Variants in ZNF766 observed in about 807,000 individuals in gnomAD.
ZNF766 encodes zinc finger protein 766.
A neutral mutation model predicts 13.2 loss-of-function variants in ZNF766; 13 were observed. The ratio of observed to expected loss-of-function variants is 0.98; its 90% CI spans 0.64 to 1.56. The LOEUF (loss-of-function observed/expected upper bound fraction) is 1.56, where lower values mean the gene tolerates loss of function less well. ZNF766 is among the 40% of genes most tolerant of loss of function. The pLI, the probability that ZNF766 is intolerant of heterozygous loss-of-function variation, is 0.00. For synonymous variants in ZNF766, 178 were observed against 187.6 expected, an observed-to-expected ratio of 0.95 and a Z score of 0.42; for missense variants, 521 against 552.2, an observed-to-expected ratio of 0.94 and a Z score of 0.57.
intron 1 of ZNF766, 102 bp downstream of exon 1, chr19:52,269,733 G>C (rs558529341): frequency 3.7e-5 from 53 of 1,419,738 alleles, no homozygotes; most frequent in Non-Finnish European, 5.1e-5. Flanking sequence ...TCCCCGCACC[G>C]CTCTCTCCAC....
At chr19:52,275,756 C>G (rs1363966173) in intron 1 of ZNF766, 1 of 144,814 alleles carries the variant, frequency 6.9e-6, no homozygotes, top group East Asian at 2.0e-4. Context: ...TCCTGGCTCA[C>G]TGCAACCTCC....
rs1017494450 is a variant in ZNF766 at position 52,292,120 on chromosome 19, T to C, written c.*922T>C. The C allele has an allele frequency of 1.4e-6, 1 of 701,928 alleles. No individual in the cohort carries two copies. 43.5% of individuals were successfully genotyped at this position (701,928 alleles called of 1,614,324 possible). A position where few individuals can be genotyped will look rare whatever the true frequency, so the allele number is the denominator to read the frequency against. On this transcript the variant is annotated 3_prime_UTR_variant, in exon 4 of 4. Transcript: ENST00000439461. ...GTTTTTATGACTTCAACCTGAACTT[T>C]GAAATTTCTTCATGTGCCTTCCCTA...
chr19:52,288,510 A>G (rs1297935240), intron 3 of ZNF766, among the ~76,000 whole-genome samples: 3 of 152,066 alleles, frequency 2.0e-5, no homozygotes, highest in Admixed American at 2.0e-4. Context: ...TGGGACTACA[A>G]GCACACGACA....
At chr19:52,271,815 C>T (rs945935455) in intron 1 of ZNF766, among the ~76,000 whole-genome samples, 1 of 151,930 alleles carries the variant, frequency 6.6e-6, no homozygotes, top group African/African-American at 2.4e-5. Flanking sequence ...CAAAAATTAG[C>T]TGGGTGTGGT....
chr19:52,284,612 C>T (rs541332559), intron 3 of ZNF766, among the ~76,000 whole-genome samples: 7 of 152,092 alleles, frequency 4.6e-5, no homozygotes, highest in South Asian at 2.1e-4. Context: ...GAGTTAGAGT[C>T]GCGTCCCACA....
intron 1 of ZNF766, among the ~76,000 whole-genome samples, chr19:52,272,090 C>A (rs934008505): frequency 6.6e-6 from 1 of 151,662 alleles, no homozygotes; most frequent in South Asian, 2.1e-4. Flanking sequence ...GTAGTGAGTA[C>A]CCCTCTTCAA....
At position 52,275,001 on chromosome 19, in the gene ZNF766, T is replaced by C. The variant is rs181561018; in HGVS notation, c.18+5370T>C. On this transcript the variant is annotated intron_variant, in intron 1 of 3. Transcript: ENST00000439461. Reference sequence around the variant, plus strand: ...CATTAATAGAAAGGAGCGTCCATGATGCATTATCCGCTCATAAGAACATTT... The same window carrying C: ...CATTAATAGAAAGGAGCGTCCATGACGCATTATCCGCTCATAAGAACATTT... Among the ~76,000 whole-genome samples, 35 of 152,314 alleles carry C rather than the reference T, an allele frequency of 2.3e-4. No individual in the cohort carries two copies. In the East Asian group the frequency reaches 6.2e-3, roughly 27 times the overall value.
In ZNF766 at chr19:52,269,620, C is replaced by G. The variant is rs376263205; in HGVS notation, c.7C>G (p.Gln3Glu). 6.2e-7 allele frequency: 1 copy of G among 1,612,918 alleles called. No individual in the cohort carries two copies. The highest frequency in any genetic ancestry group is 8.5e-7 in the Non-Finnish European group (1 of 1,179,702). MAQLRRGHLTFRD... is the reference protein window; with the variant it reads MAELRRGHLTFRD... The stretch of plus-strand genomic sequence containing the variant: ...AAGTGGATGGCGTGGAGATATGGCG[C>G]AACTGCGGCGCGTGAGTTTTCCTTT... The change falls in exon 1 of 4, where the codon CAA (glutamine) becomes GAA (glutamate). Residue 3 changes from glutamine to glutamate, a missense_variant. By Grantham distance (29) the Gln-to-Glu change is conservative (BLOSUM62 2). Transcript: ENST00000439461.
chr19:52,282,057 T>C, intron 1 of ZNF766, 54 bp from the exon 2 acceptor site: 3 of 1,568,816 alleles, frequency 1.9e-6, no homozygotes, highest in Non-Finnish European at 2.6e-6. Flanking sequence ...TCATTTCGTG[T>C]GAACATAATT....
intron 3 of ZNF766, among the ~76,000 whole-genome samples, chr19:52,287,045 A>G (rs929005918): frequency 6.6e-6 from 1 of 151,884 alleles, no homozygotes; most frequent in Non-Finnish European, 1.5e-5. Context: ...ATGTTGGCCA[A>G]GCTGGTCTCG....
In ZNF766 at chr19:52,285,640, G is replaced by A. The variant is rs559681912; in HGVS notation, c.274+2227G>A. Reference sequence around the variant, plus strand: ...TCTCCAGGAAGCCGCCATGTGTTCAGACATCCTGAAGCTCTTGGAACCCAG... The same window carrying A: ...TCTCCAGGAAGCCGCCATGTGTTCAAACATCCTGAAGCTCTTGGAACCCAG... On this transcript the variant is annotated intron_variant, in intron 3 of 3. Coordinates refer to ENST00000439461, the MANE Select transcript of ZNF766 (RefSeq NM_001010851.3). 3.3e-5 allele frequency among the ~76,000 whole-genome samples: 5 copies of A among 152,356 alleles called. No homozygotes were observed. In the South Asian group the frequency reaches 1.0e-3, roughly 32 times the overall value.
At chr19:52,273,012 AAT>A (rs1437682517) in intron 1 of ZNF766, among the ~76,000 whole-genome samples, 2 of 133,828 alleles carry the variant, frequency 1.5e-5, no homozygotes, top group Admixed American at 7.2e-5. Context: ...TAAATACATT[AAT>A]ATATTTTTTT....
chr19:52,290,535 T>C lies in ZNF766; in HGVS notation c.744T>C (p.Cys248=). Residue 248 remains cysteine, a synonymous_variant, in exon 4 of 4, where the codon TGT becomes TGC. Transcript: ENST00000439461. ...AGAAACCTTACAAATGTAAAGAGTG[T>C]GGCAAGCTCTTCAATCGAATTGCAT... ...TGEKPYKCKE[C]GKLFNRIAYL... is the part of the protein sequence containing the mutation. 1 of 1,614,178 alleles carries C rather than the reference T, an allele frequency of 6.2e-7. No individual in the cohort carries two copies. The highest frequency in any genetic ancestry group is 8.5e-7 in the Non-Finnish European group (1 of 1,180,030).
chr19:52,290,375 T>G lies in ZNF766; in HGVS notation c.584T>G (p.Val195Gly). 1.9e-6 allele frequency: 3 copies of G among 1,614,008 alleles called. No homozygotes were observed. Among genetic ancestry groups the G allele is most frequent in the African/African-American group, 1.3e-5 (1 of 75,038 alleles). ...KPYECNEQGKVFRVSSSLPNH... is the reference protein window; with the variant it reads ...KPYECNEQGKGFRVSSSLPNH... ...TACGAATGTAATGAGCAGGGCAAAG[T>G]CTTCAGAGTGTCTTCAAGCCTTCCT... is the stretch of plus-strand genomic sequence containing the variant. Residue 195 changes from valine (V) to glycine (G), a missense_variant, in exon 4 of 4, where the codon GTC becomes GGC. Val to Gly is a moderately radical substitution (Grantham distance 109). Coordinates refer to ENST00000439461, the MANE Select transcript of ZNF766 (RefSeq NM_001010851.3).
rs1429406599 is a variant in ZNF766, at chr19:52,294,960, TTAAAA to T, written c.*3765_*3769del. The T allele has an allele frequency of 6.6e-6, 1 of 150,912 alleles. No homozygotes were observed. Among genetic ancestry groups the T allele is most frequent in the Non-Finnish European group, 1.5e-5 (1 of 67,766 alleles). 9.3% of individuals were successfully genotyped at this position (150,912 alleles called of 1,614,324 possible). On this transcript the variant is annotated 3_prime_UTR_variant, in exon 4 of 4. Coordinates refer to ENST00000439461, the MANE Select transcript of ZNF766 (RefSeq NM_001010851.3). Reference sequence around the variant, plus strand: ...AAATATAATGTATTATATAATATGATTAAAATATATTTGTTATAAATATGATATTA... The same window carrying T: ...AAATATAATGTATTATATAATATGATTATATTTGTTATAAATATGATATTA...
chr19:52,282,328 G>C (rs574664199), intron 2 of ZNF766, 91 bp downstream of exon 2: 70 of 1,437,204 alleles, frequency 4.9e-5, no homozygotes, highest in Non-Finnish European at 6.0e-5. Context: ...TGCATTGCTT[G>C]ACTGAGATTG....
rs566692126 is a variant in ZNF766, at chr19:52,290,552, G to T, written c.761G>T (p.Arg254Leu). Residue 254 changes from arginine to leucine, a missense_variant, in exon 4 of 4, where the codon CGA (arginine) becomes CTA (leucine). Physicochemically the swap from Arg to Leu is moderately radical, Grantham distance 102 (BLOSUM62 -2). Coordinates refer to ENST00000439461, the MANE Select transcript of ZNF766 (RefSeq NM_001010851.3). ...AAAGAGTGTGGCAAGCTCTTCAATC[G>T]AATTGCATACCTTGCACGACACGAG... is the stretch of plus-strand genomic sequence containing the variant. The part of the protein sequence containing the change: ...KCKECGKLFN[R>L]IAYLARHEKV... 6.2e-7 allele frequency: 1 copy of T among 1,613,820 alleles called. No homozygotes were observed. Among genetic ancestry groups the T allele is most frequent in the South Asian group, 1.1e-5 (1 of 91,054 alleles).
Position 52,293,072 on chromosome 19 carries a change from C to G in ZNF766, c.*1874C>G, listed in dbSNP as rs1982220707. 1 of 151,536 alleles carries G rather than the reference C, an allele frequency of 6.6e-6. No homozygotes were observed. Among genetic ancestry groups the G allele is most frequent in the Admixed American group, 6.6e-5 (1 of 15,198 alleles). The allele number at this position is 151,536 out of a possible 1,614,324, so 9.4% of individuals were successfully genotyped here. On this transcript the variant is annotated 3_prime_UTR_variant, in exon 4 of 4. Coordinates refer to ENST00000439461, the MANE Select transcript of ZNF766 (RefSeq NM_001010851.3). ...TGAGTGAGAACATGGGGTGTTTGGT[C>G]TTCTGTCACTGTGATAGTTTGCTGA... is the stretch of plus-strand genomic sequence containing the variant.
In ZNF766 at chr19:52,291,784, G is replaced by T. The variant is rs552380983; in HGVS notation, c.*586G>T. On this transcript the variant is annotated 3_prime_UTR_variant, in exon 4 of 4. Coordinates refer to ENST00000439461, the MANE Select transcript of ZNF766 (RefSeq NM_001010851.3). ...CTCAAAAAAAAAAAAAAATTATTTG[G>T]GTTTGAAAGGCCAGGGGCAGTGGTT... 2 of 183,570 alleles carry T rather than the reference G, an allele frequency of 1.1e-5. No individual in the cohort carries two copies. The highest frequency in any genetic ancestry group is 1.9e-4 in the South Asian group (1 of 5,368). 11.4% of individuals were successfully genotyped at this position (183,570 alleles called of 1,614,324 possible). A position where few individuals can be genotyped will look rare whatever the true frequency, so the allele number is the denominator to read the frequency against.
Sources: allele counts gnomAD v4.1 joint callset (sites outside exome capture counted in the v4.1 genomes callset), GRCh38; gene constraint gnomAD v4.1.1; transcripts MANE v1.5; gene names NCBI Gene and HGNC (gene_info 2026-07-23, HGNC 2026-07-21).